Variants in ATRNL1 observed in about 807,000 individuals in gnomAD.
ATRNL1 encodes attractin-like protein 1.
ATRNL1 carries 95 observed loss-of-function variants against 182.7 expected under a neutral mutation model. The ratio of observed to expected loss-of-function variants is 0.52; its 90% CI spans 0.44 to 0.62. ATRNL1 has a LOEUF of 0.62. Among genes scored for constraint, ATRNL1 ranks in the 20% least tolerant of loss-of-function variants. ATRNL1 has a pLI of 0.00. For synonymous variants in ATRNL1, 576 were observed against 568.3 expected, an observed-to-expected ratio of 1.01 and a Z score of -0.19; for missense variants, 1,471 against 1,679.5, an observed-to-expected ratio of 0.88 and a Z score of 2.17.
intron 13 of ATRNL1, among the ~76,000 whole-genome samples, chr10:115,270,120 T>C (rs1554912349): frequency 4.0e-5 from 6 of 151,170 alleles, no homozygotes; most frequent in Non-Finnish European, 8.9e-5. Context: ...GGAGTTATTT[T>C]AGTAGAAGTC....
At chr10:115,833,027 T>C (rs540811657) in intron 27 of ATRNL1, among the ~76,000 whole-genome samples, 14 of 151,944 alleles carry the variant, frequency 9.2e-5, no homozygotes, top group East Asian at 1.9e-4. Flanking sequence ...CTTCAGGACA[T>C]GTAAGAGGAG....
intron 27 of ATRNL1, among the ~76,000 whole-genome samples, chr10:115,747,051 A>G (rs1948312651): frequency 6.6e-6 from 1 of 152,156 alleles, no homozygotes; most frequent in Non-Finnish European, 1.5e-5. Context: ...AAGAATTTCA[A>G]TTATAAGGCA....
At chr10:115,660,157 G>A (rs61881124) in intron 26 of ATRNL1, among the ~76,000 whole-genome samples, 2,375 of 152,192 alleles carry the variant, frequency 0.016, 25 homozygotes, top group South Asian at 0.026. Flanking sequence ...ACCTGGTGGG[G>A]AAGAAGAAGA....
chr10:115,817,859 G>A lies in ATRNL1; in HGVS notation c.3904-30018G>A, dbSNP rs539683410. ...CCCAAATACAAAATTTTAGCATATG[G>A]CTTTGATTTTACGTTGTGTTTTTTT... On this transcript the variant is annotated intron_variant, in intron 27 of 28. Coordinates refer to ENST00000355044, the MANE Select transcript of ATRNL1 (RefSeq NM_207303.4). 3.6e-4 allele frequency among the ~76,000 whole-genome samples: 51 copies of A among 142,446 alleles called. 1 individual carries two copies. In the South Asian group the frequency reaches 0.011, roughly 32 times the overall value. The allele number at this position is 142,446 out of a possible 152,430, so 93.5% of individuals were successfully genotyped here. A position where few individuals can be genotyped will look rare whatever the true frequency, so the allele number is the denominator to read the frequency against.
At chr10:115,716,081 A>G (rs1565313037) in intron 26 of ATRNL1, among the ~76,000 whole-genome samples, 2 of 152,078 alleles carry the variant, frequency 1.3e-5, no homozygotes, top group Non-Finnish European at 1.5e-5. Context: ...ATTGAAATTC[A>G]TTTTTTTTAA....
At chr10:115,187,175 T>A (rs4989040) in intron 8 of ATRNL1, among the ~76,000 whole-genome samples, 30 of 116,730 alleles carry the variant, frequency 2.6e-4, no homozygotes, top group African/African-American at 1.1e-3. Flanking sequence ...CTGGGAATAA[T>A]TTTTTTTTTT....
intron 27 of ATRNL1, among the ~76,000 whole-genome samples, chr10:115,834,949 A>G (rs1260178632): frequency 6.6e-6 from 1 of 152,170 alleles, no homozygotes; most frequent in Non-Finnish European, 1.5e-5. Context: ...AATCTTGCTA[A>G]TACTTGGAAC....
chr10:115,477,058 G>A (rs79129473), intron 24 of ATRNL1, among the ~76,000 whole-genome samples: 2,974 of 151,446 alleles, frequency 0.02, 96 homozygotes, highest in African/African-American at 0.066. Flanking sequence ...GATAAAATAT[G>A]CTTTCTTATA....
intron 1 of ATRNL1, among the ~76,000 whole-genome samples, chr10:115,113,986 T>G (rs553051383): frequency 7.9e-4 from 109 of 138,112 alleles, no homozygotes; most frequent in Middle Eastern, 3.4e-3. Context: ...TTTTTATCTG[T>G]TTTTTTTTCC....
chr10:115,103,434 T>TA lies in ATRNL1; in HGVS notation c.293+9398dup, dbSNP rs199778584. 8.6e-4 allele frequency among the ~76,000 whole-genome samples: 131 copies of TA among 152,282 alleles called. 2 individuals are homozygous for TA. In the East Asian group the frequency reaches 0.016, roughly 19 times the overall value. On this transcript the variant is annotated intron_variant, in intron 1 of 28. Transcript: ENST00000355044. ...ATTTCAATTTCCAGTTTGTAGACTT[T>TA]AAAAAAATAATCAGGGAAATCTTTC... is the stretch of plus-strand genomic sequence containing the variant.
At chr10:115,419,650 T>C (rs1423171561) in intron 20 of ATRNL1, among the ~76,000 whole-genome samples, 2 of 152,156 alleles carry the variant, frequency 1.3e-5, no homozygotes, top group Non-Finnish European at 2.9e-5. Flanking sequence ...AAATAGACTT[T>C]AAGTTAAAAA....
chr10:115,745,265 G>A (rs1262515316), intron 27 of ATRNL1, among the ~76,000 whole-genome samples: 1 of 151,852 alleles, frequency 6.6e-6, no homozygotes, highest in Non-Finnish European at 1.5e-5. Flanking sequence ...CTTTCACTTA[G>A]CACAATACTT....
At chr10:115,696,061 G>A (rs1450472114) in intron 26 of ATRNL1, among the ~76,000 whole-genome samples, 2 of 152,012 alleles carry the variant, frequency 1.3e-5, no homozygotes, top group African/African-American at 4.8e-5. Flanking sequence ...ACCACACCCG[G>A]CTAATTTTTT....
At chr10:115,389,220 G>A (rs1004790375) in intron 19 of ATRNL1, among the ~76,000 whole-genome samples, 2 of 151,818 alleles carry the variant, frequency 1.3e-5, no homozygotes, top group Non-Finnish European at 2.9e-5. Flanking sequence ...CTTTTTAAAA[G>A]CTGAGGCCGG....
chr10:115,426,229 T>C (rs924278953), intron 20 of ATRNL1, 21 bp from the exon 21 acceptor site: 8 of 1,607,534 alleles, frequency 5.0e-6, no homozygotes, highest in South Asian at 1.1e-5. Context: ...TAATAGTAAA[T>C]GAGTTTTTGT....
intron 19 of ATRNL1, among the ~76,000 whole-genome samples, chr10:115,391,322 G>A (rs1844007589): frequency 6.6e-6 from 1 of 152,230 alleles, no homozygotes; most frequent in East Asian, 1.9e-4. Flanking sequence ...AGAAGTAATT[G>A]TGGAATATAT....
At chr10:115,715,557 A>T (rs1262858390) in intron 26 of ATRNL1, among the ~76,000 whole-genome samples, 6 of 152,212 alleles carry the variant, frequency 3.9e-5, no homozygotes, top group African/African-American at 1.4e-4. Context: ...CCCAAAGGGC[A>T]TTGACCTGTT....
At chr10:115,793,024 A>G (rs375757688) in intron 27 of ATRNL1, among the ~76,000 whole-genome samples, 17 of 152,162 alleles carry the variant, frequency 1.1e-4, no homozygotes, top group Non-Finnish European at 2.1e-4. Context: ...TTTTTTCCAT[A>G]TAAGTAGTAA....
chr10:115,256,122 G>C (rs1851120795), intron 10 of ATRNL1, among the ~76,000 whole-genome samples: 2 of 152,138 alleles, frequency 1.3e-5, no homozygotes, highest in Admixed American at 1.3e-4. Flanking sequence ...TCTCTACCAG[G>C]CTTTGGTATC....
Sources: allele counts gnomAD v4.1 joint callset (sites outside exome capture counted in the v4.1 genomes callset), GRCh38; gene constraint gnomAD v4.1.1; transcripts MANE v1.5; gene names NCBI Gene and HGNC (gene_info 2026-07-23, HGNC 2026-07-21).